RNF213: variants seen among roughly 807,000 people sequenced by gnomAD.
The protein encoded by RNF213 is E3 ubiquitin-protein ligase RNF213.
RNF213 carries 341 observed loss-of-function variants against 514.4 expected under a neutral mutation model. The ratio of observed to expected loss-of-function variants is 0.66; its 90% CI spans 0.61 to 0.73. The LOEUF (loss-of-function observed/expected upper bound fraction) is 0.73. Ranked by LOEUF, RNF213 falls within the 30% of genes least tolerant of loss-of-function variation. RNF213 has a pLI of 0.00. For synonymous variants in RNF213, 2,655 were observed against 2,658.2 expected (o/e 1.00, Z 0.04); for missense variants, 5,767 against 6,615.6 (o/e 0.87, Z 4.45).
intron 2 of RNF213, among the ~76,000 whole-genome samples, chr17:80,270,554 G>T (rs1258995719): frequency 6.6e-6 from 1 of 152,156 alleles, no homozygotes; most frequent in African/African-American, 2.4e-5. Flanking sequence ...TGTGCCGGTC[G>T]TTGGGTGGAA....
In RNF213 at chr17:80,376,959, G is replaced by A; in HGVS notation, c.13506G>A (p.Trp4502Ter). The change falls in exon 53 of 68, where the codon TGG becomes TGA. Residue 4502 changes from tryptophan (W) to a stop codon, truncating the protein, a stop_gained. Coordinates refer to ENST00000582970, the MANE Select transcript of RNF213 (RefSeq NM_001256071.3). LOFTEE classifies it high-confidence loss of function. ...GGAAGGGTCTGGAGCGAGTCCACTG[G>A]TACAGTAAGTGTTGGGGTCTAGATG... ...RRWKGLERVH[W>*]YTCPNGHPCS... 1 of 1,612,826 alleles carries A rather than the reference G, an allele frequency of 6.2e-7. No homozygotes were observed. The highest frequency in any genetic ancestry group is 8.5e-7 in the Non-Finnish European group (1 of 1,178,956).
Position 80,313,083 on chromosome 17 carries a change from T to C in RNF213, c.2727T>C (p.Ala909=), listed in dbSNP as rs761148384. 2 of 1,614,104 alleles carry C rather than the reference T, an allele frequency of 1.2e-6. No individual in the cohort carries two copies. The highest frequency in any genetic ancestry group is 1.7e-6 in the Non-Finnish European group (2 of 1,180,034). The part of the protein sequence containing the change: ...VQTVFQGTLA[A]TKRWLREVFT... ...CAGTCTTCCAAGGGACCCTTGCTGC[T>C]ACGAAAAGGTGGCTCCGAGAAGTTT... The change falls in exon 15 of 68, where the codon GCT becomes GCC. Residue 909 remains alanine (A), a synonymous_variant. Transcript: ENST00000582970.
rs1433888494 is a variant in RNF213 at position 80,346,812 on chromosome 17, C to T, written c.8477C>T (p.Ala2826Val). 3 of 1,614,010 alleles carry T rather than the reference C, an allele frequency of 1.9e-6. No individual in the cohort carries two copies. The highest frequency in any genetic ancestry group is 1.6e-4 in the Middle Eastern group (1 of 6,084). Residue 2826 changes from alanine (A) to valine (V), a missense_variant, in exon 29 of 68, where the codon GCC becomes GTC. Around this residue, in one of 13 missense-constraint regions of RNF213, gnomAD observed 105 missense variants for 183.9 expected, o/e 0.57. Coordinates refer to ENST00000582970, the MANE Select transcript of RNF213 (RefSeq NM_001256071.3). The surrounding 1 kb of genome is among the most constrained non-coding windows in gnomAD (Gnocchi z 8.1). ...ATCATCAGCACCTTCCGGCAGTGCG[C>T]CCGCTTTCAGCAGGGGAAGGACCTG... ...QGIISTFRQC[A>V]RFQQGKDLQQ...
intron 1 of RNF213, among the ~76,000 whole-genome samples, chr17:80,262,735 C>G (rs1012028551): frequency 6.6e-6 from 1 of 152,212 alleles, no homozygotes; most frequent in Admixed American, 6.5e-5. Context: ...GTCTCCCACA[C>G]AGGTCAAGCC....
chr17:80,363,380 A>G lies in RNF213; in HGVS notation c.11568+66A>G, dbSNP rs2079126633. 5.3e-6 allele frequency: 8 copies of G among 1,509,138 alleles called. No homozygotes were observed. In the Admixed American group the frequency reaches 1.2e-4, roughly 22 times the overall value. 93.5% of individuals were successfully genotyped at this position (1,509,138 alleles called of 1,614,324 possible). A position where few individuals can be genotyped will look rare whatever the true frequency, so the allele number is the denominator to read the frequency against. ...GCTTCCAACTCCACTCTGGGAATGG[A>G]GAGCTTCTGGGGCTGTGTTCCAAGT... is the stretch of plus-strand genomic sequence containing the variant. On this transcript the variant is annotated intron_variant, in intron 40 of 67. Transcript: ENST00000582970.
At chr17:80,383,558 CAG>C in intron 58 of RNF213, 117 bp from the exon 59 acceptor site, 1 of 1,008,012 alleles carries the variant, frequency 9.9e-7, no homozygotes, top group South Asian at 1.3e-5. Context: ...ATTACATGCT[CAG>C]AGCAGGGGAC....
chr17:80,366,423 T>G (rs1374244813), intron 42 of RNF213, among the ~76,000 whole-genome samples: 2 of 152,220 alleles, frequency 1.3e-5, no homozygotes, highest in African/African-American at 4.8e-5. Context: ...ACTATCTGAT[T>G]TTTTTCATAA....
chr17:80,363,232 C>T lies in RNF213; in HGVS notation c.11486C>T (p.Ser3829Phe). 1 of 1,614,160 alleles carries T rather than the reference C, an allele frequency of 6.2e-7. No homozygotes were observed. The highest frequency in any genetic ancestry group is 8.5e-7 in the Non-Finnish European group (1 of 1,180,030). The part of the protein sequence containing the change: ...QRFRSRLQNF[S>F]RILTIYPQVL... ...TTCAGAAGCCGTCTGCAGAACTTTT[C>T]CAGAATCCTGACCATCTACCCTCAG... Residue 3829 changes from serine to phenylalanine, a missense_variant, in exon 40 of 68, where the codon TCC (serine) becomes TTC (phenylalanine). Around this residue, in one of 13 missense-constraint regions of RNF213, gnomAD observed 355 missense variants for 358.0 expected, o/e 0.99. Transcript: ENST00000582970.
chr17:80,358,169 G>A, intron 36 of RNF213, 119 bp from the exon 37 acceptor site: 1 of 782,896 alleles, frequency 1.3e-6, no homozygotes. Flanking sequence ...GCTGTAGTGT[G>A]GTAAATAGTA....
chr17:80,344,330 C>T (rs1010572495), intron 28 of RNF213, among the ~76,000 whole-genome samples: 1 of 152,182 alleles, frequency 6.6e-6, no homozygotes, highest in Non-Finnish European at 1.5e-5. Flanking sequence ...CTCACCTTTC[C>T]TAATGCCAGC....
At chr17:80,266,950 A>C (rs1431666698) in intron 2 of RNF213, among the ~76,000 whole-genome samples, 2 of 152,114 alleles carry the variant, frequency 1.3e-5, no homozygotes, top group African/African-American at 4.8e-5. Flanking sequence ...TTTTTGAAAG[A>C]AATTAAAAGT....
intron 36 of RNF213, among the ~76,000 whole-genome samples, chr17:80,355,744 C>T (rs376835465): frequency 8.2e-4 from 40 of 48,532 alleles, no homozygotes; most frequent in African/African-American, 3.1e-3. Context: ...AATGGGGGCT[C>T]ACGGAGGAAG....
intron 36 of RNF213, among the ~76,000 whole-genome samples, chr17:80,357,387 C>A (rs1382902628): frequency 6.6e-6 from 1 of 152,108 alleles, no homozygotes; most frequent in Non-Finnish European, 1.5e-5. Context: ...GTCCATCCAC[C>A]CATCTGTCCG....
intron 36 of RNF213, among the ~76,000 whole-genome samples, chr17:80,355,616 AGTGGGAATGGGGGCTT>A (rs2078756959): frequency 3.6e-5 from 1 of 28,142 alleles, no homozygotes; most frequent in African/African-American, 1.8e-4. Flanking sequence ...AAGCGGGGTG[AGTGGGAATGGGGGCTT>A]ACAGGGGAAG....
chr17:80,350,822 A>G (rs1165897386), intron 31 of RNF213, among the ~76,000 whole-genome samples: 1 of 152,236 alleles, frequency 6.6e-6, no homozygotes, highest in Non-Finnish European at 1.5e-5. Context: ...GTGAAATGCG[A>G]GAGGTGTAAA....
At chr17:80,389,791 C>T in intron 65 of RNF213, 37 bp from the exon 66 acceptor site, 4 of 1,570,252 alleles carry the variant, frequency 2.5e-6, no homozygotes, top group Non-Finnish European at 3.5e-6. Flanking sequence ...GGGTGTGAGA[C>T]CTCAGCCCCC....
chr17:80,335,386 G>T (rs2077960482), intron 22 of RNF213, among the ~76,000 whole-genome samples: 1 of 152,154 alleles, frequency 6.6e-6, no homozygotes, highest in Non-Finnish European at 1.5e-5. Flanking sequence ...GGGGGTCTGG[G>T]GGCCACCACC....
Position 80,389,362 on chromosome 17 carries a change from T to C in RNF213, c.15190T>C (p.Leu5064=). Reference sequence around the variant, plus strand: ...AATGGGTGATCAGACGATTCACGTGTTAAAGGTGGGTCTCACACCGAAAAG... The same window carrying C: ...AATGGGTGATCAGACGATTCACGTGCTAAAGGTGGGTCTCACACCGAAAAG... ...LQMGDQTIHV[L]KALNRCQLKH... Residue 5064 remains leucine, a synonymous_variant, in exon 65 of 68, where the codon TTA becomes CTA. Coordinates refer to ENST00000582970, the MANE Select transcript of RNF213 (RefSeq NM_001256071.3). 2 of 1,614,002 alleles carry C rather than the reference T, an allele frequency of 1.2e-6. No individual in the cohort carries two copies. Among genetic ancestry groups the C allele is most frequent in the Admixed American group, 1.7e-5 (1 of 60,004 alleles).
intron 14 of RNF213, among the ~76,000 whole-genome samples, chr17:80,312,324 G>A (rs1428209102): frequency 1.3e-5 from 2 of 152,112 alleles, no homozygotes; most frequent in East Asian, 3.9e-4. Flanking sequence ...CATTACAGGA[G>A]GCTTTGAGCC....
Sources: allele counts gnomAD v4.1 joint callset (sites outside exome capture counted in the v4.1 genomes callset), GRCh38; gene constraint gnomAD v4.1.1; regional missense constraint gnomAD v4.1.1; non-coding constraint Gnocchi (gnomAD v3.1); transcripts MANE v1.5; gene names NCBI Gene and HGNC (gene_info 2026-07-23, HGNC 2026-07-21).